The following NVL variants were observed in gnomAD, a reference collection of about 807,000 sequenced individuals.
The protein encoded by NVL is nuclear VCP like.
Under a neutral mutation model 110.2 loss-of-function variants are expected in NVL, and 84 were observed. That is an observed-to-expected ratio of 0.76 (90% confidence interval 0.64 to 0.91). The LOEUF is 0.91. Ranked by LOEUF, NVL falls within the 40% of genes least tolerant of loss-of-function variation. The pLI, the probability that NVL is intolerant of heterozygous loss-of-function variation, is 0.00. For missense variants in NVL, 882 were observed against 1,035.9 expected, an observed-to-expected ratio of 0.85 and a Z score of 2.04; for synonymous variants, 354 against 361.1, an observed-to-expected ratio of 0.98 and a Z score of 0.22.
intron 18 of NVL, among the ~76,000 whole-genome samples, chr1:224,258,241 CT>C (rs1416275207): frequency 6.6e-6 from 1 of 152,100 alleles, no homozygotes; most frequent in Non-Finnish European, 1.5e-5. Context: ...CCAGACATAT[CT>C]CCAAAGAAGA....
intron 1 of NVL, among the ~76,000 whole-genome samples, chr1:224,328,254 C>T (rs1421720519): frequency 2.6e-5 from 4 of 151,996 alleles, no homozygotes; most frequent in African/African-American, 9.7e-5. Context: ...GATGTCTTGG[C>T]CACGCCTGTA....
At chr1:224,237,162 C>T (rs1424058099) in intron 19 of NVL, among the ~76,000 whole-genome samples, 5 of 152,170 alleles carry the variant, frequency 3.3e-5, no homozygotes, top group South Asian at 2.1e-4. Flanking sequence ...ACTAGCACCT[C>T]GATCTTTCCA....
chr1:224,273,267 G>C (rs1384543691), intron 17 of NVL, among the ~76,000 whole-genome samples: 1 of 151,858 alleles, frequency 6.6e-6, no homozygotes. Flanking sequence ...ACAAATATTA[G>C]CTGGGCATGG....
chr1:224,322,606 T>C (rs1267583390), intron 2 of NVL, among the ~76,000 whole-genome samples: 2 of 151,308 alleles, frequency 1.3e-5, no homozygotes, highest in South Asian at 2.1e-4. Flanking sequence ...GGCCAGAGAG[T>C]TTTGAGGTGC....
chr1:224,291,449 A>G (rs1483980451), intron 12 of NVL, among the ~76,000 whole-genome samples: 1 of 152,266 alleles, frequency 6.6e-6, no homozygotes, highest in Non-Finnish European at 1.5e-5. Flanking sequence ...TGTAAAGAAG[A>G]CTAATATTTT....
At chr1:224,244,097 G>C (rs1054604630) in intron 19 of NVL, among the ~76,000 whole-genome samples, 1 of 151,926 alleles carries the variant, frequency 6.6e-6, no homozygotes, top group African/African-American at 2.4e-5. Flanking sequence ...GCCGGGCGTG[G>C]TGGCTCATGC....
intron 14 of NVL, among the ~76,000 whole-genome samples, 199 bp from the exon 15 acceptor site, chr1:224,286,329 G>C (rs1364454054): frequency 6.6e-6 from 1 of 151,070 alleles, no homozygotes; most frequent in Non-Finnish European, 1.5e-5. Flanking sequence ...CCTTAGCCTC[G>C]TGAGTAGCTG....
chr1:224,307,937 A>C (rs1300663783), intron 6 of NVL, 54 bp downstream of exon 6: 1 of 1,466,910 alleles, frequency 6.8e-7, no homozygotes. Flanking sequence ...TATTCAACTA[A>C]AAGGTTGAAA....
intron 18 of NVL, among the ~76,000 whole-genome samples, chr1:224,266,008 C>T (rs1664465143): frequency 6.6e-6 from 1 of 152,138 alleles, no homozygotes; most frequent in African/African-American, 2.4e-5. Context: ...ATATACTGCA[C>T]ATATGACAAG....
chr1:224,289,980 A>G (rs1667222284), intron 12 of NVL, among the ~76,000 whole-genome samples: 1 of 152,234 alleles, frequency 6.6e-6, no homozygotes, highest in African/African-American at 2.4e-5. Context: ...AATACATAGA[A>G]TTTTTAAAAA....
intron 12 of NVL, among the ~76,000 whole-genome samples, chr1:224,292,240 T>C (rs1229706199): frequency 6.6e-6 from 1 of 152,174 alleles, no homozygotes; most frequent in African/African-American, 2.4e-5. Flanking sequence ...CCTTTCTCTA[T>C]ATAAAAAATA....
rs1252087274 is a variant in NVL at position 224,286,100 on chromosome 1, C to A, written c.1825G>T (p.Ala609Ser). 3.1e-6 allele frequency: 5 copies of A among 1,613,946 alleles called. No homozygotes were observed. In the East Asian group the frequency reaches 1.1e-4, roughly 36 times the overall value. Residue 609 changes from alanine to serine, a missense_variant, in exon 15 of 23, where the codon GCT (alanine) becomes TCT (serine). Coordinates refer to ENST00000281701, the MANE Select transcript of NVL (RefSeq NM_002533.4). ...CCAGCTGGAGTCACCAATCCAAGAG[C>A]TTTGAACTGGTCTGGGTTGCGTACT... ...APVRNPDQFK[A>S]LGLVTPAGVL...
chr1:224,254,569 T>TTG (rs1343182383), intron 18 of NVL, among the ~76,000 whole-genome samples: 2 of 53,328 alleles, frequency 3.8e-5, no homozygotes, highest in African/African-American at 7.4e-5. Context: ...ATTTGTTTTT[T>TTG]TTGTTTTTTT....
At chr1:224,316,227 A>G (rs1670045533) in intron 4 of NVL, among the ~76,000 whole-genome samples, 1 of 152,206 alleles carries the variant, frequency 6.6e-6, no homozygotes, top group African/African-American at 2.4e-5. Flanking sequence ...CAGCATGTCC[A>G]TACATACTTA....
At chr1:224,253,259 C>T (rs558052098) in intron 18 of NVL, among the ~76,000 whole-genome samples, 36 of 150,572 alleles carry the variant, frequency 2.4e-4, no homozygotes, top group Admixed American at 2.1e-3. Context: ...ACCATCTTGG[C>T]CAGGCTGGTC....
chr1:224,273,055 ACAAAC>A (rs1180264528), intron 17 of NVL, among the ~76,000 whole-genome samples: 2 of 139,676 alleles, frequency 1.4e-5, no homozygotes, highest in African/African-American at 5.7e-5. Flanking sequence ...AAAAAAACAA[ACAAAC>A]AAAAAAAAAC....
chr1:224,251,712 C>A (rs1662528911), intron 18 of NVL, among the ~76,000 whole-genome samples: 1 of 152,242 alleles, frequency 6.6e-6, no homozygotes, highest in Non-Finnish European at 1.5e-5. Flanking sequence ...CGGCCCCAAA[C>A]TGCTCTTCTT....
At chr1:224,264,846 T>G (rs970029794) in intron 18 of NVL, among the ~76,000 whole-genome samples, 2 of 152,126 alleles carry the variant, frequency 1.3e-5, no homozygotes, top group Non-Finnish European at 2.9e-5. Context: ...GTTCAAGTGA[T>G]TCTCCTGCCT....
intron 2 of NVL, among the ~76,000 whole-genome samples, chr1:224,321,784 G>A (rs1670676454): frequency 6.7e-6 from 1 of 150,072 alleles, no homozygotes; most frequent in Non-Finnish European, 1.5e-5. Flanking sequence ...TGAAACAGTA[G>A]TCTAGACAAG....
Sources: allele counts gnomAD v4.1 joint callset (sites outside exome capture counted in the v4.1 genomes callset), GRCh38; gene constraint gnomAD v4.1.1; transcripts MANE v1.5; gene names NCBI Gene and HGNC (gene_info 2026-07-23, HGNC 2026-07-21).